The following DRGX variants were observed in gnomAD, a reference collection of about 807,000 sequenced individuals.
DRGX encodes dorsal root ganglia homeobox.
Under a neutral mutation model 28.6 loss-of-function variants are expected in DRGX, and 21 were observed. The observed-to-expected ratio is 0.73, with a 90% CI of 0.52 to 1.06. The LOEUF is 1.06. Ranked by LOEUF, DRGX falls within the 50% of genes least tolerant of loss-of-function variation. The pLI, the probability that DRGX is intolerant of heterozygous loss-of-function variation, is 0.00. For missense variants in DRGX, 354 were observed against 343.9 expected, an observed-to-expected ratio of 1.03 and a Z score of -0.23; for synonymous variants, 136 against 139.1, an observed-to-expected ratio of 0.98 and a Z score of 0.16.
chr10:49,390,113 T>A lies in DRGX; in HGVS notation c.234+20A>T. 1 of 1,581,394 alleles carries A rather than the reference T, an allele frequency of 6.3e-7. No homozygotes were observed. The highest frequency in any genetic ancestry group is 8.6e-7 in the Non-Finnish European group (1 of 1,164,732). On this transcript the variant is annotated intron_variant, in intron 4 of 6. Transcript: ENST00000374139. ...CCAGTTTTAATATTAGAGAGTTAAA[T>A]AATTAAAAAGAAGGTTTACCTGCAC...
chr10:49,393,887 C>G (rs1488638259), intron 2 of DRGX, among the ~76,000 whole-genome samples: 4 of 152,210 alleles, frequency 2.6e-5, no homozygotes, highest in African/African-American at 9.6e-5. Context: ...CCAGGACTCT[C>G]CCTAACTCAC....
At chr10:49,370,399 C>A (rs1849646915) in intron 6 of DRGX, among the ~76,000 whole-genome samples, 1 of 141,912 alleles carries the variant, frequency 7.0e-6, no homozygotes, top group South Asian at 2.1e-4. Context: ...AGTGATACTC[C>A]TTCTCAAAAA....
chr10:49,393,935 C>T lies in DRGX; in HGVS notation c.34+1472G>A, dbSNP rs112783102. Among the ~76,000 whole-genome samples the T allele has an allele frequency of 6.9e-3, 1,045 of 152,328 alleles. 11 individuals are homozygous for T. Among genetic ancestry groups the T allele is most frequent in the African/African-American group, 0.023 (962 of 41,578 alleles). ...CCCCGCAGACAGACATTCATGACGT[C>T]CCCTACCTGCCAAATGCCCAAACTT... is the stretch of plus-strand genomic sequence containing the variant. On this transcript the variant is annotated intron_variant, in intron 2 of 6. Coordinates refer to ENST00000374139, the MANE Select transcript of DRGX (RefSeq NM_001276451.2).
intron 2 of DRGX, 65 bp from the exon 3 acceptor site, chr10:49,391,326 A>G (rs1259659941): frequency 7.1e-7 from 1 of 1,405,680 alleles, no homozygotes; most frequent in African/African-American, 1.4e-5. Flanking sequence ...GCCCCCAGAC[A>G]CAGTTCAGAG....
intron 6 of DRGX, among the ~76,000 whole-genome samples, chr10:49,379,851 C>T (rs758612943): frequency 2.9e-4 from 44 of 152,344 alleles, no homozygotes; most frequent in Non-Finnish European, 4.1e-4. Context: ...GTCCTGACAG[C>T]GTCCAAGGCC....
At chr10:49,386,928 A>G (rs2132483172) in intron 4 of DRGX, 70 bp from the exon 5 acceptor site, 1 of 1,476,104 alleles carries the variant, frequency 6.8e-7, no homozygotes, top group Non-Finnish European at 9.0e-7. Flanking sequence ...CCCTGGACCC[A>G]GTGCTGGCAC....
At chr10:49,386,904 G>A (rs1328056095) in intron 4 of DRGX, 46 bp from the exon 5 acceptor site, 6 of 1,510,422 alleles carry the variant, frequency 4.0e-6, no homozygotes, top group African/African-American at 2.8e-5. Context: ...TCAAACAGGA[G>A]GAAGAAGCCA....
chr10:49,383,891 T>C (rs1849803958), intron 6 of DRGX, among the ~76,000 whole-genome samples: 1 of 152,264 alleles, frequency 6.6e-6, no homozygotes, highest in Non-Finnish European at 1.5e-5. Context: ...CATAGGGCAC[T>C]GTGTTATAGC....
intron 6 of DRGX, among the ~76,000 whole-genome samples, chr10:49,379,684 G>C (rs536319829): frequency 5.3e-5 from 8 of 152,306 alleles, no homozygotes; most frequent in African/African-American, 1.2e-4. Flanking sequence ...GAAGGCCATG[G>C]CCAGACCTCT....
At chr10:49,383,005 G>A (rs1160559347) in intron 6 of DRGX, among the ~76,000 whole-genome samples, 4 of 151,934 alleles carry the variant, frequency 2.6e-5, no homozygotes, top group African/African-American at 9.7e-5. Context: ...CCCCCACCCA[G>A]GGTCCTGGAG....
In DRGX at chr10:49,386,789, C is replaced by T. The variant is rs575101965; in HGVS notation, c.304G>A (p.Ala102Thr). Reference sequence around the variant, plus strand: ...GTCACCTCTGCCATGGGCTCCTTGGCTCCTGGCTCCTGGTCTGAGGCCCCT... The same window carrying T: ...GTCACCTCTGCCATGGGCTCCTTGGTTCCTGGCTCCTGGTCTGAGGCCCCT... Reference protein sequence around the residue: ...ERGASDQEPGAKEPMAEVTPP... With the variant: ...ERGASDQEPGTKEPMAEVTPP... Residue 102 changes from alanine (A) to threonine (T), a missense_variant, in exon 5 of 7, where the codon GCC (alanine) becomes ACC (threonine). Physicochemically the swap from Ala to Thr is moderately conservative, Grantham distance 58. Transcript: ENST00000374139. The T allele has an allele frequency of 3.0e-5, 48 of 1,609,192 alleles. No individual in the cohort carries two copies. In the Middle Eastern group the frequency reaches 6.6e-4, roughly 22 times the overall value.
At chr10:49,379,650 C>T (rs1162213155) in intron 6 of DRGX, among the ~76,000 whole-genome samples, 1 of 152,206 alleles carries the variant, frequency 6.6e-6, no homozygotes. Context: ...ACATCCTTGA[C>T]TAATGCAGGG....
intron 6 of DRGX, among the ~76,000 whole-genome samples, chr10:49,380,865 T>C (rs1849767109): frequency 6.6e-6 from 1 of 152,114 alleles, no homozygotes; most frequent in Non-Finnish European, 1.5e-5. Flanking sequence ...TCAACAATAG[T>C]TGGTGTTCAA....
At chr10:49,367,655 G>C (rs2132467902) in intron 6 of DRGX, among the ~76,000 whole-genome samples, 1 of 152,314 alleles carries the variant, frequency 6.6e-6, no homozygotes, top group African/African-American at 2.4e-5. Context: ...TTGCCTCTTG[G>C]CTGCTGATAA....
chr10:49,393,222 A>G lies in DRGX; in HGVS notation c.35-1961T>C, dbSNP rs1849929374. ...CAGTTTAAAAGAAATCAGTAGATCT[A>G]TATGCATTGGCATGAACAAATCTCC... On this transcript the variant is annotated intron_variant, in intron 2 of 6. Coordinates refer to ENST00000374139, the MANE Select transcript of DRGX (RefSeq NM_001276451.2). Among the ~76,000 whole-genome samples, 4 of 152,274 alleles carry G rather than the reference A, an allele frequency of 2.6e-5. No individual in the cohort carries two copies. In the South Asian group the frequency reaches 8.3e-4, roughly 31 times the overall value.
At chr10:49,380,415 C>T (rs188012207) in intron 6 of DRGX, among the ~76,000 whole-genome samples, 2 of 152,330 alleles carry the variant, frequency 1.3e-5, no homozygotes, top group Non-Finnish European at 2.9e-5. Context: ...ACCTCCTCTG[C>T]ATTAATGAAT....
chr10:49,388,400 G>A (rs1197157405), intron 4 of DRGX, among the ~76,000 whole-genome samples: 1 of 152,236 alleles, frequency 6.6e-6, no homozygotes, highest in African/African-American at 2.4e-5. Context: ...GGTCCTTGAG[G>A]CTGAGCCCTC....
intron 6 of DRGX, among the ~76,000 whole-genome samples, chr10:49,369,854 C>T (rs544606601): frequency 6.6e-5 from 10 of 152,044 alleles, no homozygotes; most frequent in Non-Finnish European, 1.3e-4. Flanking sequence ...CACAGGGCAG[C>T]CTGGCCTGTT....
chr10:49,376,669 T>A (rs1367446617), intron 6 of DRGX, among the ~76,000 whole-genome samples: 2 of 152,088 alleles, frequency 1.3e-5, no homozygotes, highest in Non-Finnish European at 2.9e-5. Context: ...GCTGTTACAG[T>A]CTTTGTTTCA....
Sources: gnomAD v4.1 joint callset for allele counts (sites outside exome capture counted in the v4.1 genomes callset) on GRCh38, gnomAD v4.1.1 for gene constraint, MANE v1.5 for transcripts, NCBI Gene and HGNC (gene_info 2026-07-23, HGNC 2026-07-21) for gene names.